Variants in TBCA observed in about 807,000 individuals in gnomAD.
The protein encoded by TBCA is tubulin folding cofactor A.
In TBCA, 6 loss-of-function variants were observed where a neutral mutation model predicts 15.8. The ratio of observed to expected loss-of-function variants is 0.38; its 90% CI spans 0.21 to 0.75. The LOEUF is 0.75. TBCA is among the 30% of genes least tolerant of loss of function. The pLI, the probability that TBCA is intolerant of heterozygous loss-of-function variation, is 0.46. For synonymous variants in TBCA, 32 were observed against 42.3 expected, an observed-to-expected ratio of 0.76 and a Z score of 0.94; for missense variants, 90 against 131.2, an observed-to-expected ratio of 0.69 and a Z score of 1.53.
At chr5:77,704,425 G>A (rs1365423185) in intron 2 of TBCA, among the ~76,000 whole-genome samples, 6 of 152,172 alleles carry the variant, frequency 3.9e-5, no homozygotes, top group African/African-American at 1.4e-4. Flanking sequence ...GAAGAAGTAG[G>A]AAAGCCAGAG....
At chr5:77,764,435 C>T (rs1282435061) in intron 1 of TBCA, among the ~76,000 whole-genome samples, 1 of 152,156 alleles carries the variant, frequency 6.6e-6, no homozygotes, top group African/African-American at 2.4e-5. Flanking sequence ...CAGTTCTACA[C>T]AACCAGTAAC....
intron 1 of TBCA, among the ~76,000 whole-genome samples, chr5:77,713,610 T>C (rs1204982211): frequency 3.3e-5 from 5 of 152,188 alleles, no homozygotes; most frequent in Non-Finnish European, 5.9e-5. Context: ...TCTTAACAAT[T>C]ACTTTTTCTA....
intron 1 of TBCA, among the ~76,000 whole-genome samples, chr5:77,731,782 G>A (rs1746776189): frequency 6.6e-6 from 1 of 151,374 alleles, no homozygotes; most frequent in South Asian, 2.1e-4. Flanking sequence ...TTTTCTTTAT[G>A]GCATCCAGGT....
chr5:77,706,378 T>C (rs1746149701), intron 2 of TBCA, among the ~76,000 whole-genome samples: 3 of 152,060 alleles, frequency 2.0e-5, no homozygotes. Context: ...GTTGTTGTGG[T>C]GGGGAAGGAA....
At chr5:77,691,645 C>T (rs1745751016) in intron 3 of TBCA, 147 bp from the exon 4 acceptor site, 1 of 1,391,832 alleles carries the variant, frequency 7.2e-7, no homozygotes. Flanking sequence ...ATTGTAATTC[C>T]ACAGGTTTCC....
intron 1 of TBCA, among the ~76,000 whole-genome samples, chr5:77,774,858 G>C (rs779363627): frequency 1.3e-5 from 2 of 151,888 alleles, no homozygotes; most frequent in Non-Finnish European, 2.9e-5. Flanking sequence ...CCATGAGTTT[G>C]TGAAAGGAAA....
At chr5:77,693,779 A>G (rs1745809662) in intron 2 of TBCA, among the ~76,000 whole-genome samples, 2 of 146,466 alleles carry the variant, frequency 1.4e-5, no homozygotes, top group Admixed American at 1.4e-4. Context: ...GGCCTGGGCA[A>G]CAAGAGTGAA....
chr5:77,755,092 C>T (rs1188259203), intron 1 of TBCA, among the ~76,000 whole-genome samples: 2 of 152,198 alleles, frequency 1.3e-5, no homozygotes, highest in Admixed American at 1.3e-4. Context: ...TACAAACTCA[C>T]TGGTTTGCAA....
chr5:77,696,538 A>G (rs12654714), intron 2 of TBCA, among the ~76,000 whole-genome samples: 5 of 152,234 alleles, frequency 3.3e-5, no homozygotes, highest in Non-Finnish European at 7.3e-5. Context: ...ATTGGACCCA[A>G]TAACATGCTG....
At chr5:77,728,578 A>G (rs1746684129) in intron 1 of TBCA, among the ~76,000 whole-genome samples, 1 of 152,162 alleles carries the variant, frequency 6.6e-6, no homozygotes, top group South Asian at 2.1e-4. Flanking sequence ...CCTAAGCAGG[A>G]GGTGGGGAGA....
chr5:77,697,526 T>C (rs1745898977), intron 2 of TBCA, among the ~76,000 whole-genome samples: 1 of 151,814 alleles, frequency 6.6e-6, no homozygotes, highest in Middle Eastern at 3.4e-3. Context: ...AAGTAGCCCA[T>C]GGGCCAAAAA....
At chr5:77,755,991 GCGAA>G (rs1341163347) in intron 1 of TBCA, among the ~76,000 whole-genome samples, 1 of 152,104 alleles carries the variant, frequency 6.6e-6, no homozygotes, top group Non-Finnish European at 1.5e-5. Context: ...GTCAACAAGA[GCGAA>G]ACTTTATCTC....
intron 1 of TBCA, among the ~76,000 whole-genome samples, chr5:77,774,916 G>T (rs1156540500): frequency 6.6e-6 from 1 of 151,154 alleles, no homozygotes; most frequent in Admixed American, 6.6e-5. Context: ...GAAAAGTCAA[G>T]CTGGGAATTG....
chr5:77,713,643 G>C (rs1362033533), intron 1 of TBCA, among the ~76,000 whole-genome samples: 1 of 152,064 alleles, frequency 6.6e-6, no homozygotes, highest in Non-Finnish European at 1.5e-5. Flanking sequence ...GTCAAACTTT[G>C]TCATTAGTTA....
intron 2 of TBCA, chr5:77,694,151 G>A (rs1193492045): frequency 6.6e-6 from 1 of 152,178 alleles, no homozygotes; most frequent in African/African-American, 2.4e-5. Flanking sequence ...CACACTGCAG[G>A]AGGTTCACAC....
chr5:77,762,326 A>G (rs1480868162), intron 1 of TBCA, among the ~76,000 whole-genome samples: 1 of 152,216 alleles, frequency 6.6e-6, no homozygotes, highest in Admixed American at 6.5e-5. Context: ...AATACTAAAA[A>G]TGCTAGCATA....
intron 1 of TBCA, among the ~76,000 whole-genome samples, chr5:77,734,187 T>C (rs1035488536): frequency 1.3e-5 from 2 of 152,214 alleles, no homozygotes; most frequent in Admixed American, 1.3e-4. Context: ...GAGATTAATA[T>C]TGTTTTCATG....
At chr5:77,746,695 ATCAT>A (rs770133954) in intron 1 of TBCA, among the ~76,000 whole-genome samples, 7 of 152,170 alleles carry the variant, frequency 4.6e-5, no homozygotes, top group Admixed American at 1.3e-4. Context: ...TTGTGCACGT[ATCAT>A]TCATTTCTTG....
chr5:77,724,014 T>C (rs1000653075), intron 1 of TBCA, among the ~76,000 whole-genome samples: 2 of 152,070 alleles, frequency 1.3e-5, no homozygotes, highest in African/African-American at 2.4e-5. Context: ...AATTTCATTT[T>C]TAGATCAGGT....
Sources: allele counts gnomAD v4.1 joint callset (sites outside exome capture counted in the v4.1 genomes callset), GRCh38; gene constraint gnomAD v4.1.1; transcripts MANE v1.5; gene names NCBI Gene and HGNC (gene_info 2026-07-23, HGNC 2026-07-21).